SYCP2L: variants seen among roughly 807,000 people sequenced by gnomAD.
The protein encoded by SYCP2L is synaptonemal complex protein 2-like.
A neutral mutation model predicts 125.8 loss-of-function variants in SYCP2L; 98 were observed. That is an observed-to-expected ratio of 0.78 (90% CI 0.66 to 0.92). SYCP2L has a LOEUF of 0.92. SYCP2L is among the 40% of genes least tolerant of loss of function. The pLI, the probability that SYCP2L is intolerant of heterozygous loss-of-function variation, is 0.00. For missense variants in SYCP2L, 842 were observed against 936.4 expected, an observed-to-expected ratio of 0.90 and a Z score of 1.32; for synonymous variants, 317 against 325.4, an observed-to-expected ratio of 0.97 and a Z score of 0.28.
At chr6:10,936,953 T>C (rs1326514634) in intron 21 of SYCP2L, among the ~76,000 whole-genome samples, 3 of 152,174 alleles carry the variant, frequency 2.0e-5, no homozygotes, top group Non-Finnish European at 4.4e-5. Flanking sequence ...AAAGCAAATA[T>C]TAATAGACCT....
In SYCP2L at chr6:10,944,874, C is replaced by T. The variant is rs566379932; in HGVS notation, c.1954+2128C>T. Among the ~76,000 whole-genome samples, 37 of 152,194 alleles carry T rather than the reference C, an allele frequency of 2.4e-4. No homozygotes were observed. The South Asian group carries it at 7.1e-3, about 29-fold the overall frequency. On this transcript the variant is annotated intron_variant, in intron 23 of 29. Transcript: ENST00000283141. ...GGATTACAGGCATGTGCCACCATACCCAGCTAATTTTGCATTTTTAGTAGC... is the reference window on the plus strand; with the variant it reads ...GGATTACAGGCATGTGCCACCATACTCAGCTAATTTTGCATTTTTAGTAGC...
chr6:10,892,650 A>G (rs1780193107), intron 2 of SYCP2L, among the ~76,000 whole-genome samples: 1 of 152,174 alleles, frequency 6.6e-6, no homozygotes, highest in Admixed American at 6.5e-5. Context: ...GAGCAATCTC[A>G]CATAAGTTTG....
intron 1 of SYCP2L, among the ~76,000 whole-genome samples, chr6:10,890,143 T>C (rs1780149745): frequency 6.6e-6 from 1 of 152,252 alleles, no homozygotes; most frequent in Non-Finnish European, 1.5e-5. Context: ...TTCCATATCT[T>C]GGCTATTATG....
At chr6:10,968,588 A>G (rs531275520) in intron 29 of SYCP2L, among the ~76,000 whole-genome samples, 37 of 152,152 alleles carry the variant, frequency 2.4e-4, no homozygotes, top group Non-Finnish European at 4.7e-4. Context: ...CCATGTTTTA[A>G]AGAGGAAAGG....
chr6:10,961,734 C>T (rs1781597046), intron 28 of SYCP2L, among the ~76,000 whole-genome samples, 176 bp downstream of exon 28: 1 of 152,174 alleles, frequency 6.6e-6, no homozygotes, highest in Non-Finnish European at 1.5e-5. Context: ...CTAATGATAC[C>T]ATTCGAGAGG....
chr6:10,968,917 C>T (rs927614738), intron 29 of SYCP2L, among the ~76,000 whole-genome samples: 2 of 152,166 alleles, frequency 1.3e-5, no homozygotes, highest in South Asian at 2.1e-4. Flanking sequence ...GGTACCACTT[C>T]GTGAGTTTTC....
At chr6:10,968,750 G>A (rs1210995933) in intron 29 of SYCP2L, among the ~76,000 whole-genome samples, 1 of 152,208 alleles carries the variant, frequency 6.6e-6, no homozygotes, top group Non-Finnish European at 1.5e-5. Flanking sequence ...CACAGCATCA[G>A]GTGAGGGTGT....
intron 10 of SYCP2L, 79 bp from the exon 11 acceptor site, chr6:10,910,069 G>GGCC: frequency 8.6e-7 from 1 of 1,161,242 alleles, no homozygotes; most frequent in Non-Finnish European, 1.3e-6. Flanking sequence ...AGCAAACACT[G>GGCC]GCCTCTGTAT....
chr6:10,897,855 T>C (rs2113293472), intron 4 of SYCP2L, among the ~76,000 whole-genome samples, 156 bp from the exon 5 acceptor site: 1 of 152,336 alleles, frequency 6.6e-6, no homozygotes, highest in South Asian at 2.1e-4. Flanking sequence ...TGAAGTGTTC[T>C]GGTGGGAGGC....
chr6:10,891,438 T>G, intron 1 of SYCP2L, 75 bp from the exon 2 acceptor site: 89 of 537,152 alleles, frequency 1.7e-4, no homozygotes, highest in Non-Finnish European at 2.2e-4. Flanking sequence ...TTTTTTTTTT[T>G]GCTTTGTGTT....
chr6:10,919,279 G>C (rs1780747718), intron 14 of SYCP2L, among the ~76,000 whole-genome samples: 1 of 152,158 alleles, frequency 6.6e-6, no homozygotes, highest in South Asian at 2.1e-4. Flanking sequence ...CCTTGATGTA[G>C]TACTCTCCCT....
intron 5 of SYCP2L, among the ~76,000 whole-genome samples, chr6:10,898,536 TTTA>T (rs1280143696): frequency 2.0e-5 from 3 of 152,164 alleles, no homozygotes; most frequent in Non-Finnish European, 4.4e-5. Context: ...ACTCTCGTGT[TTTA>T]TTATTAGAAT....
chr6:10,959,061 C>T (rs958176070), intron 26 of SYCP2L, among the ~76,000 whole-genome samples, 186 bp downstream of exon 26: 1 of 152,150 alleles, frequency 6.6e-6, no homozygotes, highest in African/African-American at 2.4e-5. Flanking sequence ...ACTAAATGTC[C>T]ATCTTAAGCC....
intron 23 of SYCP2L, among the ~76,000 whole-genome samples, chr6:10,953,973 G>A (rs773676710): frequency 2.3e-4 from 19 of 81,698 alleles, no homozygotes; most frequent in Non-Finnish European, 4.9e-4. Context: ...GACCGTGCCT[G>A]GGATGTCCAA....
At chr6:10,907,892 G>T (rs1208239685) in intron 10 of SYCP2L, among the ~76,000 whole-genome samples, 3 of 91,938 alleles carry the variant, frequency 3.3e-5, no homozygotes, top group African/African-American at 4.1e-5. Context: ...ATACAGATAG[G>T]TTTTTTTTTT....
Position 10,949,721 on chromosome 6 carries a change from C to CTTTTT in SYCP2L, c.1955-5383_1955-5379dup, listed in dbSNP as rs33952119. Among the ~76,000 whole-genome samples the CTTTTT allele has an allele frequency of 5.3e-3, 643 of 121,504 alleles. 7 individuals carry two copies. The highest frequency in any genetic ancestry group is 8.8e-3 in the Admixed American group (99 of 11,188). 79.7% of individuals were successfully genotyped at this position (121,504 alleles called of 152,430 possible). ...TTTGGCTAATATTTACCTGATACATCTTTTTTTTTTTTTTTTGCCATTCTT... is the reference window on the plus strand; with the variant it reads ...TTTGGCTAATATTTACCTGATACATCTTTTTTTTTTTTTTTTTTTTTGCCATTCTT... On this transcript the variant is annotated intron_variant, in intron 23 of 29. Coordinates refer to ENST00000283141, the MANE Select transcript of SYCP2L (RefSeq NM_001040274.3).
At chr6:10,923,774 C>T (rs1477527147) in intron 14 of SYCP2L, among the ~76,000 whole-genome samples, 1 of 149,894 alleles carries the variant, frequency 6.7e-6, no homozygotes, top group Non-Finnish European at 1.5e-5. Context: ...AGCTCCGCCT[C>T]CTGGGTTCAC....
At chr6:10,971,457 C>CAAAAAA (rs564161444) in intron 29 of SYCP2L, among the ~76,000 whole-genome samples, 2 of 99,372 alleles carry the variant, frequency 2.0e-5, no homozygotes, top group Admixed American at 1.0e-4. Flanking sequence ...GACTCTGTCT[C>CAAAAAA]AAAAAAAAAA....
rs762776167 is a variant in SYCP2L, at chr6:10,935,022, T to C, written c.1684-36T>C. The C allele has an allele frequency of 1.3e-5, 19 of 1,518,028 alleles. No homozygotes were observed. In the Admixed American group the frequency reaches 3.3e-4, roughly 27 times the overall value. 94.0% of individuals were successfully genotyped at this position (1,518,028 alleles called of 1,614,324 possible). A position where few individuals can be genotyped will look rare whatever the true frequency, so the allele number is the denominator to read the frequency against. On this transcript the variant is annotated intron_variant, in intron 20 of 29. Transcript: ENST00000283141. ...TATTTTGATAACTTGTTTTTAATTA[T>C]GAATGTTAACACTTAAAAAAGATAC...
Sources: allele counts gnomAD v4.1 joint callset (sites outside exome capture counted in the v4.1 genomes callset), GRCh38; gene constraint gnomAD v4.1.1; transcripts MANE v1.5; gene names NCBI Gene and HGNC (gene_info 2026-07-23, HGNC 2026-07-21).